The following MTMR7 variants were observed in gnomAD, a reference collection of about 807,000 sequenced individuals.
MTMR7 encodes myotubularin related protein 7, also known as phosphatidylinositol-3-phosphate phosphatase MTMR7.
A neutral mutation model predicts 81.2 loss-of-function variants in MTMR7; 76 were observed. That is an observed-to-expected ratio of 0.94 (90% CI 0.78 to 1.13). The LOEUF (loss-of-function observed/expected upper bound fraction) is 1.13. Ranked by LOEUF, MTMR7 falls within the 50% of genes most tolerant of loss-of-function variation. The probability of loss-of-function intolerance (pLI) is 0.00; values close to 1 mark genes in which losing one functional copy is unlikely to be tolerated. For missense variants in MTMR7, 1,044 were observed against 820.0 expected (o/e 1.27, Z -3.34); for synonymous variants, 372 against 289.8 (o/e 1.28, Z -2.88).
chr8:17,404,340 T>C (rs892803146), intron 1 of MTMR7, among the ~76,000 whole-genome samples: 1 of 151,786 alleles, frequency 6.6e-6, no homozygotes, highest in African/African-American at 2.4e-5. Flanking sequence ...TTGGAAAGAG[T>C]ACAAGAGGAG....
At chr8:17,364,306 C>A (rs556633912) in intron 3 of MTMR7, among the ~76,000 whole-genome samples, 5 of 152,062 alleles carry the variant, frequency 3.3e-5, no homozygotes, top group African/African-American at 9.6e-5. Flanking sequence ...GTGCTGGGAT[C>A]ACAGGCGTGA....
chr8:17,369,411 C>G (rs1441045484), intron 3 of MTMR7, among the ~76,000 whole-genome samples: 3 of 152,160 alleles, frequency 2.0e-5, no homozygotes, highest in Admixed American at 2.0e-4. Context: ...TAGCTACCTA[C>G]AAAGAATATG....
At position 17,413,250 on chromosome 8, in the gene MTMR7, C is replaced by T. The variant is rs78197154; in HGVS notation, c.24+19G>A. On this transcript the variant is annotated intron_variant, in intron 1 of 13. Transcript: ENST00000180173. Reference sequence around the variant, plus strand: ...CCATCTCCTCCCGTCCCTCCTCCGCCCGCGCTGGTGTCACCAACCTTGGGC... The same window carrying T: ...CCATCTCCTCCCGTCCCTCCTCCGCTCGCGCTGGTGTCACCAACCTTGGGC... 67,197 of 1,548,484 alleles carry T rather than the reference C, an allele frequency of 0.043. 3,267 individuals carry two copies. Among genetic ancestry groups the T allele is most frequent in the East Asian group, 0.31 (12,603 of 40,312 alleles).
intron 10 of MTMR7, among the ~76,000 whole-genome samples, chr8:17,307,641 G>T (rs1393523853): frequency 2.0e-5 from 3 of 152,130 alleles, no homozygotes; most frequent in Non-Finnish European, 2.9e-5. Flanking sequence ...CAACCTATAT[G>T]TCCAACAACA....
intron 1 of MTMR7, among the ~76,000 whole-genome samples, chr8:17,401,794 G>A (rs749969640): frequency 6.6e-6 from 1 of 152,106 alleles, no homozygotes; most frequent in Non-Finnish European, 1.5e-5. Flanking sequence ...GGAGAAAATT[G>A]GGTGTGAGAC....
intron 7 of MTMR7, among the ~76,000 whole-genome samples, chr8:17,328,553 T>C (rs28437537): frequency 0.062 from 9,450 of 151,632 alleles, 874 homozygotes; most frequent in African/African-American, 0.2. Flanking sequence ...ATAACACACA[T>C]TGGGGCCTGT....
chr8:17,381,312 C>T (rs753400362), intron 1 of MTMR7, among the ~76,000 whole-genome samples: 4 of 152,140 alleles, frequency 2.6e-5, no homozygotes, highest in Admixed American at 6.5e-5. Flanking sequence ...GCCACACTGG[C>T]GGCCCAACAT....
chr8:17,328,239 C>G (rs541112128), intron 7 of MTMR7, among the ~76,000 whole-genome samples: 2 of 152,200 alleles, frequency 1.3e-5, no homozygotes, highest in Non-Finnish European at 2.9e-5. Context: ...GAAGGGTGTC[C>G]CAGTGGGGCA....
chr8:17,370,850 G>A (rs867899199), intron 3 of MTMR7, among the ~76,000 whole-genome samples, 187 bp downstream of exon 3: 18 of 151,930 alleles, frequency 1.2e-4, no homozygotes, highest in Middle Eastern at 3.4e-3. Flanking sequence ...TAAATAACTC[G>A]GGGGAGACTC....
chr8:17,412,259 A>G (rs1303818531), intron 1 of MTMR7, among the ~76,000 whole-genome samples: 1 of 152,180 alleles, frequency 6.6e-6, no homozygotes, highest in African/African-American at 2.4e-5. Flanking sequence ...CTGGCCATAA[A>G]GCAATTGCCC....
At chr8:17,341,331 GC>G in intron 6 of MTMR7, 31 bp downstream of exon 6, 1 of 1,611,958 alleles carries the variant, frequency 6.2e-7, no homozygotes, top group Non-Finnish European at 8.5e-7. Context: ...CAACTCAGGT[GC>G]AAAGACATGC....
chr8:17,345,346 T>C (rs941705111), intron 5 of MTMR7, among the ~76,000 whole-genome samples: 4 of 152,204 alleles, frequency 2.6e-5, no homozygotes, highest in Non-Finnish European at 5.9e-5. Flanking sequence ...CATGGAATGA[T>C]GCACGCAAGC....
At chr8:17,396,110 A>C (rs6992452) in intron 1 of MTMR7, among the ~76,000 whole-genome samples, 56,085 of 144,416 alleles carry the variant, frequency 0.39, 10,685 homozygotes, top group South Asian at 0.44. Context: ...GGCTGATCAT[A>C]CCAACATACG....
intron 1 of MTMR7, among the ~76,000 whole-genome samples, chr8:17,390,402 T>C (rs1464615795): frequency 6.6e-6 from 1 of 152,070 alleles, no homozygotes; most frequent in African/African-American, 2.4e-5. Context: ...TGCTAAACCA[T>C]TCATATGAAA....
chr8:17,311,569 A>T lies in MTMR7; in HGVS notation c.1043T>A (p.Val348Glu). ...CSDGWDRTAQ[V>E]CSVASLLLDP... ...CAGCAGCAGGCTTGCCACCGAGCAC[A>T]CCTGAGCGGTCCTGTCCCAGCCATC... Residue 348 changes from valine to glutamate, a missense_variant, in exon 9 of 14, where the codon GTG (valine) becomes GAG (glutamate). Coordinates refer to ENST00000180173, the MANE Select transcript of MTMR7 (RefSeq NM_004686.5). 2 of 1,614,126 alleles carry T rather than the reference A, an allele frequency of 1.2e-6. No individual in the cohort carries two copies. Among genetic ancestry groups the T allele is most frequent in the Non-Finnish European group, 1.7e-6 (2 of 1,180,006 alleles).
At chr8:17,319,697 T>C (rs753126807) in intron 7 of MTMR7, among the ~76,000 whole-genome samples, 5 of 152,210 alleles carry the variant, frequency 3.3e-5, no homozygotes, top group Non-Finnish European at 7.3e-5. Context: ...TGGAAACCAA[T>C]GCAAACAGAG....
chr8:17,361,998 C>T (rs573782146), intron 3 of MTMR7, among the ~76,000 whole-genome samples: 2 of 152,138 alleles, frequency 1.3e-5, no homozygotes, highest in Non-Finnish European at 2.9e-5. Context: ...AGCCCAATAG[C>T]CCCACTGTTT....
chr8:17,312,373 G>A (rs868029972), intron 8 of MTMR7, among the ~76,000 whole-genome samples: 4 of 151,978 alleles, frequency 2.6e-5, no homozygotes, highest in South Asian at 2.1e-4. Flanking sequence ...TCAGGAGTCC[G>A]TGACCAGCCT....
At chr8:17,392,098 G>C (rs984921441) in intron 1 of MTMR7, among the ~76,000 whole-genome samples, 1 of 152,062 alleles carries the variant, frequency 6.6e-6, no homozygotes, top group Admixed American at 6.6e-5. Flanking sequence ...CGGAATCTTG[G>C]GTGTCTGGTC....
Sources: gnomAD v4.1 joint callset for allele counts (sites outside exome capture counted in the v4.1 genomes callset) on GRCh38, gnomAD v4.1.1 for gene constraint, MANE v1.5 for transcripts, NCBI Gene and HGNC (gene_info 2026-07-23, HGNC 2026-07-21) for gene names.